IL1RAPL1: variants seen among roughly 807,000 people sequenced by gnomAD.
IL1RAPL1 encodes the protein interleukin-1 receptor accessory protein-like 1.
Under a neutral mutation model 48.4 loss-of-function variants are expected in IL1RAPL1, and 3 were observed. That is an observed-to-expected ratio of 0.06 (90% confidence interval 0.03 to 0.16). The LOEUF (loss-of-function observed/expected upper bound fraction) is 0.16. Among genes scored for constraint, IL1RAPL1 ranks in the 10% least tolerant of loss-of-function variants. The probability of loss-of-function intolerance (pLI) is 1.00; values close to 1 mark genes in which losing one functional copy is unlikely to be tolerated. For missense variants in IL1RAPL1, 349 were observed against 530.6 expected (o/e 0.66, Z 3.36); for synonymous variants, 185 against 187.7 (o/e 0.99, Z 0.12).
intron 2 of IL1RAPL1, among the ~76,000 whole-genome samples, chrX:29,006,647 A>ATGTGTG (rs547186942): frequency 0.054 from 4,186 of 76,850 alleles, 138 homozygotes; most frequent in South Asian, 0.12. Context: ...GTTTATATAT[A>ATGTGTG]TGTGTGTGTG....
chrX:28,614,776 C>T (rs1336014879), intron 1 of IL1RAPL1, among the ~76,000 whole-genome samples: 4 of 112,162 alleles, frequency 3.6e-5, no homozygotes, highest in Non-Finnish European at 5.6e-5. Context: ...GCCAGTTGTA[C>T]AATACTAGTA....
chrX:29,022,148 A>G (rs906581675), intron 2 of IL1RAPL1, among the ~76,000 whole-genome samples: 5 of 110,617 alleles, frequency 4.5e-5, no homozygotes, highest in South Asian at 3.9e-4. Flanking sequence ...TCCAATGTCT[A>G]TGTGTCTGAA....
At chrX:29,015,447 CTATAT>C (rs1926219087) in intron 2 of IL1RAPL1, among the ~76,000 whole-genome samples, 2 of 110,547 alleles carry the variant, frequency 1.8e-5, no homozygotes, top group Non-Finnish European at 3.8e-5. Flanking sequence ...TATACAGATA[CTATAT>C]TGATGGTAGA....
intron 2 of IL1RAPL1, among the ~76,000 whole-genome samples, chrX:29,145,677 G>A (rs1023257678): frequency 2.7e-5 from 3 of 111,750 alleles, no homozygotes; most frequent in African/African-American, 6.5e-5. Flanking sequence ...TCATCCTCAC[G>A]TGGTGGAAAG....
At chrX:29,204,952 C>A (rs912619252) in intron 2 of IL1RAPL1, among the ~76,000 whole-genome samples, 1 of 111,733 alleles carries the variant, frequency 8.9e-6, no homozygotes, top group African/African-American at 3.3e-5. Flanking sequence ...CTCTAAGAAA[C>A]GGAGGTTTGG....
chrX:28,797,824 T>C (rs1242096288), intron 2 of IL1RAPL1, among the ~76,000 whole-genome samples: 3 of 111,760 alleles, frequency 2.7e-5, no homozygotes, highest in Non-Finnish European at 5.6e-5. Flanking sequence ...GGTACCAATT[T>C]ACTGTGTTAG....
chrX:28,768,685 GTCTCTCTCTCTCTCTGTTTC>G (rs1227459292), intron 1 of IL1RAPL1, among the ~76,000 whole-genome samples: 14 of 37,813 alleles, frequency 3.7e-4, no homozygotes, highest in African/African-American at 1.2e-3. Context: ...GGCTCTCTCT[GTCTCTCTCTCTCTCTGTTTC>G]TCTCTCTCTC....
chrX:29,913,417 T>C (rs765766556), intron 6 of IL1RAPL1, among the ~76,000 whole-genome samples: 10 of 71,975 alleles, frequency 1.4e-4, no homozygotes, highest in South Asian at 4.7e-4. Flanking sequence ...TATATACACA[T>C]ATATGTATAC....
chrX:29,591,152 G>A (rs752155937), intron 5 of IL1RAPL1, among the ~76,000 whole-genome samples: 82 of 111,539 alleles, frequency 7.4e-4, no homozygotes, highest in Non-Finnish European at 1.4e-3. Context: ...ATCACATAAA[G>A]GTGACTCTTC....
chrX:29,387,169 C>G (rs187088235), intron 3 of IL1RAPL1, among the ~76,000 whole-genome samples: 2 of 111,993 alleles, frequency 1.8e-5, no homozygotes, highest in Non-Finnish European at 3.8e-5. Context: ...ATTAGAGCAT[C>G]AAGCAGGTGC....
At chrX:29,417,704 ATAT>A (rs1242893550) in intron 5 of IL1RAPL1, among the ~76,000 whole-genome samples, 6 of 111,548 alleles carry the variant, frequency 5.4e-5, no homozygotes, top group South Asian at 3.7e-4. Context: ...ACTTTTGTGA[ATAT>A]TATTTTTAAA....
chrX:28,672,025 C>T (rs1342207893), intron 1 of IL1RAPL1, among the ~76,000 whole-genome samples: 2 of 112,048 alleles, frequency 1.8e-5, no homozygotes, highest in East Asian at 5.6e-4. Context: ...GTTTTTGTGC[C>T]TGCACAGAAT....
At chrX:29,881,270 C>A (rs1378049207) in intron 6 of IL1RAPL1, among the ~76,000 whole-genome samples, 2 of 111,067 alleles carry the variant, frequency 1.8e-5, no homozygotes, top group East Asian at 5.7e-4. Context: ...TGTCAGGGAG[C>A]AGGACACTGA....
intron 2 of IL1RAPL1, among the ~76,000 whole-genome samples, chrX:29,011,734 A>T (rs1926126861): frequency 8.9e-6 from 1 of 112,439 alleles, no homozygotes; most frequent in African/African-American, 3.2e-5. Context: ...ATAAGCTAAA[A>T]CTTATAAAAT....
chrX:29,057,540 G>C (rs1195770613), intron 2 of IL1RAPL1, among the ~76,000 whole-genome samples: 1 of 109,957 alleles, frequency 9.1e-6, no homozygotes, highest in Non-Finnish European at 1.9e-5. Context: ...TGATTCTCCT[G>C]CCTCAGCCTC....
intron 6 of IL1RAPL1, among the ~76,000 whole-genome samples, chrX:29,756,397 T>G (rs1415575500): frequency 2.7e-5 from 3 of 111,672 alleles, no homozygotes; most frequent in African/African-American, 9.8e-5. Flanking sequence ...TGAATTATTC[T>G]AAATAAGCAT....
At chrX:29,780,099 C>G (rs771281968) in intron 6 of IL1RAPL1, among the ~76,000 whole-genome samples, 6 of 111,329 alleles carry the variant, frequency 5.4e-5, no homozygotes, top group Non-Finnish European at 7.6e-5. Context: ...CTACACGGAT[C>G]CCCCTCAACT....
chrX:29,467,085 A>G (rs1188175331), intron 5 of IL1RAPL1, among the ~76,000 whole-genome samples: 1 of 111,483 alleles, frequency 9.0e-6, no homozygotes, highest in African/African-American at 3.3e-5. Flanking sequence ...CTTCAGGGGT[A>G]TGTGGTCCCA....
intron 2 of IL1RAPL1, among the ~76,000 whole-genome samples, chrX:29,187,177 A>G (rs1280481564): frequency 8.9e-6 from 1 of 112,314 alleles, no homozygotes; most frequent in East Asian, 2.8e-4. Flanking sequence ...GTATTTAGCC[A>G]TTCCTCTGTT....
Sources: allele counts gnomAD v4.1 joint callset (sites outside exome capture counted in the v4.1 genomes callset), GRCh38; gene constraint gnomAD v4.1.1; transcripts MANE v1.5; gene names NCBI Gene and HGNC (gene_info 2026-07-23, HGNC 2026-07-21).